Variants in SHC4 observed in about 807,000 individuals in gnomAD.
SHC4 encodes SHC adaptor protein 4.
In SHC4, 41 loss-of-function variants were observed where a neutral mutation model predicts 69.4. The observed-to-expected ratio is 0.59, with a 90% CI of 0.46 to 0.77. The LOEUF is 0.77. Ranked by LOEUF, SHC4 falls within the 30% of genes least tolerant of loss-of-function variation. The pLI is 0.00. For missense variants in SHC4, 777 were observed against 783.8 expected (o/e 0.99, Z 0.10); for synonymous variants, 318 against 299.3 (o/e 1.06, Z -0.64).
At chr15:48,889,518 A>C (rs1023409540) in intron 3 of SHC4, among the ~76,000 whole-genome samples, 1 of 152,184 alleles carries the variant, frequency 6.6e-6, no homozygotes, top group African/African-American at 2.4e-5. Flanking sequence ...AGTAGCTGGC[A>C]AAATGAAAAG....
intron 2 of SHC4, among the ~76,000 whole-genome samples, chr15:48,892,284 T>C (rs1411990820): frequency 6.6e-6 from 1 of 152,214 alleles, no homozygotes; most frequent in Admixed American, 6.5e-5. Flanking sequence ...TTATAATGTA[T>C]GTTTTAGCTC....
At chr15:48,907,846 A>G (rs958148374) in intron 2 of SHC4, among the ~76,000 whole-genome samples, 28 of 120,594 alleles carry the variant, frequency 2.3e-4, no homozygotes, top group African/African-American at 7.9e-4. Flanking sequence ...GTGTGTATAT[A>G]TATATATATG....
intron 3 of SHC4, among the ~76,000 whole-genome samples, chr15:48,886,977 G>C (rs1019856072): frequency 6.6e-6 from 1 of 152,102 alleles, no homozygotes; most frequent in Non-Finnish European, 1.5e-5. Flanking sequence ...TTAAGATAGG[G>C]AAACATTAAT....
intron 10 of SHC4, among the ~76,000 whole-genome samples, chr15:48,842,075 T>C (rs1899002606): frequency 6.6e-6 from 1 of 152,232 alleles, no homozygotes; most frequent in Non-Finnish European, 1.5e-5. Context: ...CATGCCAATC[T>C]CTGAACAAAA....
At position 48,962,417 on chromosome 15, in the gene SHC4, G is replaced by A. The variant is rs1901558522; in HGVS notation, c.585+14C>T. 3 of 1,513,306 alleles carry A rather than the reference G, an allele frequency of 2.0e-6. No homozygotes were observed. Among genetic ancestry groups the A allele is most frequent in the South Asian group, 1.3e-5 (1 of 74,576 alleles). 93.7% of individuals were successfully genotyped at this position (1,513,306 alleles called of 1,614,324 possible). ...ACGGAAGTTCTTAGAGGGCAGAGAG[G>A]AAAATGGACTTACCCTCACACAGTA... On this transcript the variant is annotated intron_variant, in intron 1 of 11. Coordinates refer to ENST00000332408, the MANE Select transcript of SHC4 (RefSeq NM_203349.4).
chr15:48,921,787 A>C (rs1289668614), intron 2 of SHC4, among the ~76,000 whole-genome samples: 1 of 152,270 alleles, frequency 6.6e-6, no homozygotes, highest in African/African-American at 2.4e-5. Context: ...TGATTAAAAT[A>C]GTAAATCTTG....
At chr15:48,876,450 T>TAC (rs970293445) in intron 4 of SHC4, 65 of 320,282 alleles carry the variant, frequency 2.0e-4, no homozygotes, top group African/African-American at 1.3e-3. Context: ...TACATATATA[T>TAC]ATACACACAC....
intron 4 of SHC4, chr15:48,877,613 G>C: frequency 1.0e-6 from 1 of 959,534 alleles, no homozygotes; most frequent in Non-Finnish European, 1.2e-6. Flanking sequence ...AAAAGAAATG[G>C]GACCAAGTAT....
At chr15:48,951,773 A>G (rs1901369182) in intron 1 of SHC4, among the ~76,000 whole-genome samples, 1 of 152,120 alleles carries the variant, frequency 6.6e-6, no homozygotes, top group South Asian at 2.1e-4. Flanking sequence ...AATTATCTCA[A>G]ATGGAAGGTG....
chr15:48,843,496 T>A lies in SHC4; in HGVS notation c.1396A>T (p.Ile466Phe). The change falls in exon 10 of 12, where the codon ATT (isoleucine) becomes TTT (phenylalanine). Residue 466 changes from isoleucine (I) to phenylalanine (F), a missense_variant. Physicochemically the swap from Ile to Phe is conservative, Grantham distance 21. Coordinates refer to ENST00000332408, the MANE Select transcript of SHC4 (RefSeq NM_203349.4). ...RVDLFDDPCY[I>F]NTQALQSTPG... ...GTACTTTGAAGAGCCTGTGTATTAA[T>A]GTAGCAGGGGTCATCAAAGAGATCC... 6.2e-7 allele frequency: 1 copy of A among 1,614,190 alleles called. No homozygotes were observed. Among genetic ancestry groups the A allele is most frequent in the East Asian group, 2.2e-5 (1 of 44,892 alleles).
intron 2 of SHC4, among the ~76,000 whole-genome samples, chr15:48,907,842 A>ATATATATATGTGTGTGTGTGTGTG (rs1567066817): frequency 2.8e-5 from 3 of 109,088 alleles, no homozygotes; most frequent in African/African-American, 1.1e-4. Flanking sequence ...GTGTGTGTGT[A>ATATATATATGTGTGTGTGTGTGTG]TATATATATA....
At chr15:48,961,760 C>T (rs2141044690) in intron 1 of SHC4, among the ~76,000 whole-genome samples, 1 of 152,296 alleles carries the variant, frequency 6.6e-6, no homozygotes, top group South Asian at 2.1e-4. Flanking sequence ...TCTTCATTTG[C>T]CCACATCTTG....
chr15:48,905,611 C>T (rs1453934077), intron 2 of SHC4, among the ~76,000 whole-genome samples: 2 of 152,236 alleles, frequency 1.3e-5, no homozygotes, highest in African/African-American at 4.8e-5. Context: ...TCATCTGACT[C>T]TGCATGATGA....
At chr15:48,891,564 C>T (rs1246965594) in intron 2 of SHC4, among the ~76,000 whole-genome samples, 1 of 152,164 alleles carries the variant, frequency 6.6e-6, no homozygotes, top group East Asian at 1.9e-4. Flanking sequence ...TTCATAACTG[C>T]CCAAGCTTTC....
At chr15:48,867,254 T>C (rs914934745) in intron 6 of SHC4, among the ~76,000 whole-genome samples, 1 of 152,164 alleles carries the variant, frequency 6.6e-6, no homozygotes, top group African/African-American at 2.4e-5. Context: ...TGTGGAGTGT[T>C]AATGAAAAGA....
intron 2 of SHC4, among the ~76,000 whole-genome samples, chr15:48,911,455 C>T (rs1217901836): frequency 6.6e-6 from 1 of 152,042 alleles, no homozygotes; most frequent in Non-Finnish European, 1.5e-5. Flanking sequence ...TATGTGAGTC[C>T]TTACATGTTA....
At chr15:48,916,701 C>T (rs551684810) in intron 2 of SHC4, among the ~76,000 whole-genome samples, 2 of 152,258 alleles carry the variant, frequency 1.3e-5, no homozygotes, top group African/African-American at 4.8e-5. Context: ...ACCACCCATT[C>T]TTTAACAGTT....
At chr15:48,939,294 G>A (rs1465431639) in intron 1 of SHC4, among the ~76,000 whole-genome samples, 2 of 152,204 alleles carry the variant, frequency 1.3e-5, no homozygotes, top group African/African-American at 4.8e-5. Flanking sequence ...AGGGAATCAG[G>A]GAAGAAGGGT....
At chr15:48,861,284 A>G (rs1313381803) in intron 6 of SHC4, among the ~76,000 whole-genome samples, 2 of 152,230 alleles carry the variant, frequency 1.3e-5, no homozygotes, top group African/African-American at 2.4e-5. Context: ...GGACAAAAAT[A>G]AAAGAACAAA....
Sources: allele counts gnomAD v4.1 joint callset (sites outside exome capture counted in the v4.1 genomes callset), GRCh38; gene constraint gnomAD v4.1.1; transcripts MANE v1.5; gene names NCBI Gene and HGNC (gene_info 2026-07-23, HGNC 2026-07-21).